Variants in PCDHA11 observed in about 807,000 individuals in gnomAD.
The protein encoded by PCDHA11 is protocadherin alpha 11, also known as protocadherin alpha-11.
In PCDHA11, 61 loss-of-function variants were observed where a neutral mutation model predicts 70.3. The observed-to-expected ratio is 0.87, with a 90% CI of 0.71 to 1.07. PCDHA11 has a LOEUF of 1.07. Ranked by LOEUF, PCDHA11 falls within the 50% of genes least tolerant of loss-of-function variation. The pLI is 0.00. For missense variants in PCDHA11, 1,324 were observed against 1,237.5 expected, an observed-to-expected ratio of 1.07 and a Z score of -1.05; for synonymous variants, 633 against 555.1, an observed-to-expected ratio of 1.14 and a Z score of -1.97.
At chr5:141,007,573 T>G (rs2153992759) in intron 3 of PCDHA11, among the ~76,000 whole-genome samples, 1 of 151,796 alleles carries the variant, frequency 6.6e-6, no homozygotes, top group African/African-American at 2.4e-5. Context: ...ATCTCAAATT[T>G]AAAAAATAAT....
intron 1 of PCDHA11, chr5:140,967,260 C>G: frequency 6.2e-7 from 1 of 1,613,500 alleles, no homozygotes; most frequent in Non-Finnish European, 8.5e-7. Flanking sequence ...GCGCCTGGAG[C>G]GCGCTTTCAC....
At chr5:140,991,447 C>T (rs1554252191) in intron 3 of PCDHA11, among the ~76,000 whole-genome samples, 1 of 152,162 alleles carries the variant, frequency 6.6e-6, no homozygotes, top group African/African-American at 2.4e-5. Context: ...TGGCTTAAAA[C>T]AACACAATGT....
Position 140,869,887 on chromosome 5 carries a change from C to A in PCDHA11, c.784C>A (p.Leu262Ile). ...AAATGCTGCTAAAGAAACTCTTGTGCTCAAACTAAACGCCACAGACCGAGA... is the reference window on the plus strand; with the variant it reads ...AAATGCTGCTAAAGAAACTCTTGTGATCAAACTAAACGCCACAGACCGAGA... ...MENAAKETLV[L>I]KLNATDRDEG... is the part of the protein sequence containing the mutation. The change falls in exon 1 of 4, where the codon CTC (leucine) becomes ATC (isoleucine). Residue 262 changes from leucine to isoleucine, a missense_variant. Coordinates refer to ENST00000398640, the MANE Select transcript of PCDHA11 (RefSeq NM_018902.5). 3 of 1,610,174 alleles carry A rather than the reference C, an allele frequency of 1.9e-6. No individual in the cohort carries two copies. Among genetic ancestry groups the A allele is most frequent in the Non-Finnish European group, 2.5e-6 (3 of 1,178,096 alleles).
In PCDHA11 at chr5:140,877,117, G is replaced by A. The variant is rs781979355; in HGVS notation, c.2391+5623G>A. The A allele has an allele frequency of 9.3e-6, 15 of 1,613,720 alleles. No homozygotes were observed. The East Asian group carries it at 1.8e-4, about 19-fold the overall frequency. ...CGGCGTGCCGCCTCTGGGCAGCAAC[G>A]TGACGCTGCAGGTGTTCGTGCTGGA... On this transcript the variant is annotated intron_variant, in intron 1 of 3. Coordinates refer to ENST00000398640, the MANE Select transcript of PCDHA11 (RefSeq NM_018902.5).
In PCDHA11 at chr5:141,010,220, C is replaced by T. The variant is rs114341618; in HGVS notation, c.*283C>T. ...CTCCTCCGCCGCAAAGGAGAGGCTT[C>T]CCAGCCCCGCCAGTGAGAGGTTGGA... On this transcript the variant is annotated 3_prime_UTR_variant, in exon 4 of 4. Coordinates refer to ENST00000398640, the MANE Select transcript of PCDHA11 (RefSeq NM_018902.5). 2,711 of 1,551,728 alleles carry T rather than the reference C, an allele frequency of 1.7e-3. 46 individuals are homozygous for T. The African/African-American group carries it at 0.034, about 19-fold the overall frequency.
At chr5:141,001,276 T>C (rs2098003991) in intron 3 of PCDHA11, among the ~76,000 whole-genome samples, 1 of 152,210 alleles carries the variant, frequency 6.6e-6, no homozygotes. Context: ...GAACTTTTTT[T>C]ACGGATGAAA....
At chr5:140,895,332 G>C (rs1021596445) in intron 1 of PCDHA11, among the ~76,000 whole-genome samples, 1 of 151,584 alleles carries the variant, frequency 6.6e-6, no homozygotes, top group South Asian at 2.1e-4. Context: ...TTCTCAAATT[G>C]TTTTACTATG....
At chr5:140,909,094 T>C (rs1445563506) in intron 1 of PCDHA11, among the ~76,000 whole-genome samples, 1 of 152,196 alleles carries the variant, frequency 6.6e-6, no homozygotes, top group Admixed American at 6.5e-5. Context: ...TACTTCTCAC[T>C]CACTGGGTCC....
intron 1 of PCDHA11, chr5:140,928,897 G>C: frequency 6.2e-7 from 1 of 1,614,186 alleles, no homozygotes. Flanking sequence ...AGACTTTGAA[G>C]ATGTCTGGGA....
At chr5:140,964,473 T>G (rs1457345251) in intron 1 of PCDHA11, among the ~76,000 whole-genome samples, 13 of 152,068 alleles carry the variant, frequency 8.5e-5, no homozygotes, top group African/African-American at 3.1e-4. Flanking sequence ...TGCCTATGAT[T>G]TTTTCACAGT....
At position 140,870,623 on chromosome 5, in the gene PCDHA11, T is replaced by C; in HGVS notation, c.1520T>C (p.Val507Ala). The change falls in exon 1 of 4, where the codon GTG becomes GCG. Residue 507 changes from valine to alanine, a missense_variant. Val to Ala is a moderately conservative substitution (Grantham distance 64). Transcript: ENST00000398640. The stretch of plus-strand genomic sequence containing the variant: ...GGCGACCGCGCGCTGTCGAGCTACG[T>C]GTCGGTGCACGCGGAGAGCGGCAAG... ...RLGDRALSSY[V>A]SVHAESGKVY... The C allele has an allele frequency of 6.2e-7, 1 of 1,613,108 alleles. No homozygotes were observed.
At chr5:140,972,829 A>T (rs1554234573) in intron 1 of PCDHA11, among the ~76,000 whole-genome samples, 2 of 151,928 alleles carry the variant, frequency 1.3e-5, no homozygotes, top group African/African-American at 4.8e-5. Flanking sequence ...ACGCCTGGCT[A>T]ATTTTTGTAT....
At chr5:140,994,561 C>T (rs967006511) in intron 3 of PCDHA11, among the ~76,000 whole-genome samples, 2 of 151,800 alleles carry the variant, frequency 1.3e-5, no homozygotes, top group East Asian at 1.9e-4. Context: ...AAAAATTAGC[C>T]GGGTGTGGTG....
chr5:140,919,136 G>T (rs1340753916), intron 1 of PCDHA11, among the ~76,000 whole-genome samples: 5 of 152,064 alleles, frequency 3.3e-5, no homozygotes, highest in African/African-American at 1.2e-4. Context: ...GTGTTTTGGG[G>T]CTCTATTATT....
rs782343836 is a variant in PCDHA11 at position 140,869,112 on chromosome 5, T to C, written c.9T>C (p.Gly3=). 17 of 1,604,108 alleles carry C rather than the reference T, an allele frequency of 1.1e-5. No individual in the cohort carries two copies. The South Asian group carries it at 1.5e-4, about 15-fold the overall frequency. Residue 3 remains glycine, a synonymous_variant, in exon 1 of 4, where the codon GGT becomes GGC. Coordinates refer to ENST00000398640, the MANE Select transcript of PCDHA11 (RefSeq NM_018902.5). The part of the protein sequence containing the change: MF[G]FQRRGLGTPR... ...AGCCAATTTCGTATGCGATGTTTGG[T>C]TTTCAGAGAAGGGGATTGGGCACCC...
At chr5:140,913,993 G>A (rs2076550293) in intron 1 of PCDHA11, among the ~76,000 whole-genome samples, 2 of 152,040 alleles carry the variant, frequency 1.3e-5, no homozygotes, top group South Asian at 4.2e-4. Flanking sequence ...ATTGTGACTA[G>A]CATATGGTCT....
chr5:140,980,901 T>C, intron 2 of PCDHA11, among the ~76,000 whole-genome samples: 1 of 152,218 alleles, frequency 6.6e-6, no homozygotes, highest in East Asian at 1.9e-4. Context: ...TTGGACATCA[T>C]GTAACTATTC....
rs1554244374 is a variant in PCDHA11 at position 140,982,509 on chromosome 5, GC to G, written c.2486del (p.Ala829ValfsTer85). ...VHLEEAGILR[A>X]GPGGPDQQWP... is the part of the protein sequence containing the mutation. ...CCTAGAGGAGGCTGGCATTCTACGGGCTGGTCCAGGAGGGCCTGATCAGCAG... is the reference window on the plus strand; with the variant it reads ...CCTAGAGGAGGCTGGCATTCTACGGGTGGTCCAGGAGGGCCTGATCAGCAG... On this transcript the variant is annotated frameshift_variant, in exon 3 of 4. Transcript: ENST00000398640. LOFTEE classifies it high-confidence loss of function. 6.2e-7 allele frequency: 1 copy of G among 1,614,206 alleles called. No homozygotes were observed. Among genetic ancestry groups the G allele is most frequent in the Non-Finnish European group, 8.5e-7 (1 of 1,180,032 alleles).
At chr5:140,892,811 T>C (rs1554185379) in intron 1 of PCDHA11, among the ~76,000 whole-genome samples, 1 of 152,210 alleles carries the variant, frequency 6.6e-6, no homozygotes, top group Non-Finnish European at 1.5e-5. Context: ...TAACCATATT[T>C]ATCCTACAGT....
Sources: gnomAD v4.1 joint callset for allele counts (sites outside exome capture counted in the v4.1 genomes callset) on GRCh38, gnomAD v4.1.1 for gene constraint, MANE v1.5 for transcripts, NCBI Gene and HGNC (gene_info 2026-07-23, HGNC 2026-07-21) for gene names.